The following HACE1 variants were observed in gnomAD, a reference collection of about 807,000 sequenced individuals.
HACE1 encodes the protein E3 ubiquitin-protein ligase HACE1.
HACE1 carries 73 observed loss-of-function variants against 118.4 expected under a neutral mutation model. The ratio of observed to expected loss-of-function variants is 0.62; its 90% CI spans 0.51 to 0.75. HACE1 has a LOEUF of 0.75. Among genes scored for constraint, HACE1 ranks in the 30% least tolerant of loss-of-function variants. The pLI is 0.00. For synonymous variants in HACE1, 368 were observed against 374.8 expected, an observed-to-expected ratio of 0.98 and a Z score of 0.21; for missense variants, 749 against 1,102.2, an observed-to-expected ratio of 0.68 and a Z score of 4.54.
At chr6:104,841,614 A>G (rs890246152) in intron 5 of HACE1, among the ~76,000 whole-genome samples, 2 of 152,202 alleles carry the variant, frequency 1.3e-5, no homozygotes, top group African/African-American at 4.8e-5. Flanking sequence ...AAGCCATTCA[A>G]AATTTTAGGA....
chr6:104,801,155 C>A (rs1323032095), intron 7 of HACE1, among the ~76,000 whole-genome samples: 1 of 151,798 alleles, frequency 6.6e-6, no homozygotes, highest in Non-Finnish European at 1.5e-5. Context: ...AGTGAAAAGA[C>A]AAGATTAGAG....
intron 19 of HACE1, among the ~76,000 whole-genome samples, chr6:104,758,932 A>C (rs1281515630): frequency 6.6e-6 from 1 of 152,220 alleles, no homozygotes; most frequent in Non-Finnish European, 1.5e-5. Context: ...CGTTAGACCA[A>C]AGAAGATCAA....
Position 104,771,306 on chromosome 6 carries a change from TTA to T in HACE1, c.2096_2097del (p.Ile699LysfsTer2). 6.2e-7 allele frequency: 1 copy of T among 1,611,044 alleles called. No homozygotes were observed. Among genetic ancestry groups the T allele is most frequent in the Non-Finnish European group, 8.5e-7 (1 of 1,177,214 alleles). ...KNLQWILDND[I>X]SDLGLELTFS... ...AAAGTTAGTTCTAGACCCAGATCAC[TTA>T]TATCATTATCTAAAATCCATTGCAA... On this transcript the variant is annotated frameshift_variant, in exon 19 of 24. Coordinates refer to ENST00000262903, the MANE Select transcript of HACE1 (RefSeq NM_020771.4). LOFTEE classifies it high-confidence loss of function.
chr6:104,742,793 C>T (rs1776918629), intron 22 of HACE1, among the ~76,000 whole-genome samples: 1 of 151,866 alleles, frequency 6.6e-6, no homozygotes, highest in African/African-American at 2.4e-5. Context: ...ACCATTTGAC[C>T]CAGCCATCCC....
At chr6:104,763,223 T>C (rs1470302867) in intron 19 of HACE1, among the ~76,000 whole-genome samples, 1 of 152,068 alleles carries the variant, frequency 6.6e-6, no homozygotes, top group Non-Finnish European at 1.5e-5. Context: ...CACACACGTA[T>C]ACTCAACATG....
At chr6:104,733,581 G>A (rs140176828) in intron 22 of HACE1, among the ~76,000 whole-genome samples, 2,031 of 152,214 alleles carry the variant, frequency 0.013, 36 homozygotes, top group African/African-American at 0.046. Context: ...GGCCAGGCGC[G>A]GTGGCTCACG....
chr6:104,770,364 A>C (rs903002555), intron 19 of HACE1, among the ~76,000 whole-genome samples: 2 of 152,184 alleles, frequency 1.3e-5, no homozygotes, highest in Non-Finnish European at 2.9e-5. Flanking sequence ...GACTTTGAAC[A>C]GTGAAATTTA....
At position 104,849,589 on chromosome 6, in the gene HACE1, T is replaced by C. The variant is rs965530459; in HGVS notation, c.222-343A>G. Among the ~76,000 whole-genome samples, 160 of 148,470 alleles carry C rather than the reference T, an allele frequency of 1.1e-3. 1 individual carries two copies. The highest frequency in any genetic ancestry group is 3.6e-3 in the African/African-American group (146 of 40,448). On this transcript the variant is annotated intron_variant, in intron 3 of 23. Transcript: ENST00000262903. Reference sequence around the variant, plus strand: ...AACTCCTGAACTCAGGCAATCCTCCTACCTCAGCCTCCCAAAGTGCTGGGA... The same window carrying C: ...AACTCCTGAACTCAGGCAATCCTCCCACCTCAGCCTCCCAAAGTGCTGGGA...
chr6:104,733,259 C>A (rs946950092), intron 22 of HACE1, among the ~76,000 whole-genome samples: 1 of 152,128 alleles, frequency 6.6e-6, no homozygotes, highest in Admixed American at 6.5e-5. Context: ...GTCCTCCACA[C>A]AAGTAAATTT....
At chr6:104,746,051 A>G (rs1562278211) in intron 20 of HACE1, among the ~76,000 whole-genome samples, 1 of 152,188 alleles carries the variant, frequency 6.6e-6, no homozygotes, top group Non-Finnish European at 1.5e-5. Flanking sequence ...GAAATTTGCA[A>G]AACTGTTAAA....
At chr6:104,783,159 A>C (rs946955181) in intron 14 of HACE1, among the ~76,000 whole-genome samples, 1 of 152,166 alleles carries the variant, frequency 6.6e-6, no homozygotes, top group African/African-American at 2.4e-5. Flanking sequence ...GTGGCTAGAA[A>C]GTTCTCCCTC....
chr6:104,837,600 C>A (rs1171843180), intron 5 of HACE1, among the ~76,000 whole-genome samples: 2 of 152,096 alleles, frequency 1.3e-5, no homozygotes, highest in South Asian at 4.1e-4. Context: ...GTTCTTGATA[C>A]CAAAAGCATG....
chr6:104,826,940 C>T (rs1341189553), intron 6 of HACE1, among the ~76,000 whole-genome samples: 1 of 151,920 alleles, frequency 6.6e-6, no homozygotes, highest in African/African-American at 2.4e-5. Context: ...GCGGAGGAAC[C>T]GCAAAAGAAA....
chr6:104,854,108 C>T (rs1377538691), intron 1 of HACE1, among the ~76,000 whole-genome samples: 2 of 152,136 alleles, frequency 1.3e-5, no homozygotes, highest in African/African-American at 4.8e-5. Flanking sequence ...GCCAAAAATG[C>T]ATAACTTCAA....
chr6:104,798,321 C>T (rs1769916144), intron 7 of HACE1, among the ~76,000 whole-genome samples: 1 of 151,946 alleles, frequency 6.6e-6, no homozygotes. Context: ...ACTTAAAAAA[C>T]AAAACACTAT....
chr6:104,763,661 C>T (rs141634105), intron 19 of HACE1, among the ~76,000 whole-genome samples: 1 of 152,110 alleles, frequency 6.6e-6, no homozygotes, highest in African/African-American at 2.4e-5. Flanking sequence ...GCTACAGCAG[C>T]ACAGAGGCAT....
rs994349138 is a variant in HACE1 at position 104,837,748 on chromosome 6, G to A, written c.403-4575C>T. ...CAATCAGGCAAAAGAAAGAAATAAC[G>A]GACATTCATATTAGAAAGAAAGATG... On this transcript the variant is annotated intron_variant, in intron 5 of 23. Coordinates refer to ENST00000262903, the MANE Select transcript of HACE1 (RefSeq NM_020771.4). Among the ~76,000 whole-genome samples the A allele has an allele frequency of 6.6e-5, 10 of 152,114 alleles. No homozygotes were observed. In the South Asian group the frequency reaches 1.5e-3, roughly 22 times the overall value.
rs773714940 is a variant in HACE1 at position 104,852,385 on chromosome 6, A to ACC, written c.77-15_77-14insGG. ...CAGTTTCATTATCTGAGTAAAAAAA[A>ACC]ACAAAGAGTTCATTTATCCCCTACT... On this transcript the variant is annotated splice_polypyrimidine_tract_variant and intron_variant, in intron 1 of 23. Transcript: ENST00000262903. The ACC allele has an allele frequency of 3.3e-6, 4 of 1,209,188 alleles. No individual in the cohort carries two copies. In the East Asian group the frequency reaches 9.9e-5, roughly 30 times the overall value. The allele number at this position is 1,209,188 out of a possible 1,614,324, so 74.9% of individuals were successfully genotyped here.
intron 22 of HACE1, chr6:104,732,507 A>G (rs568779748): frequency 3.9e-5 from 6 of 152,316 alleles, no homozygotes; most frequent in African/African-American, 1.2e-4. Flanking sequence ...AAATTCGTAG[A>G]CATAAAATTG....
Sources: allele counts gnomAD v4.1 joint callset (sites outside exome capture counted in the v4.1 genomes callset), GRCh38; gene constraint gnomAD v4.1.1; transcripts MANE v1.5; gene names NCBI Gene and HGNC (gene_info 2026-07-23, HGNC 2026-07-21).